Variants in F7 observed in about 807,000 individuals in gnomAD.
The protein encoded by F7 is coagulation factor VII.
Under a neutral mutation model 47.5 loss-of-function variants are expected in F7, and 38 were observed. That is an observed-to-expected ratio of 0.80 (90% confidence interval 0.62 to 1.05). The LOEUF is 1.05. Ranked by LOEUF, F7 falls within the 50% of genes least tolerant of loss-of-function variation. F7 has a pLI of 0.00. For synonymous variants in F7, 244 were observed against 258.5 expected, an observed-to-expected ratio of 0.94 and a Z score of 0.54; for missense variants, 575 against 605.4, an observed-to-expected ratio of 0.95 and a Z score of 0.53.
In F7 at chr13:113,119,168, CAGAG is replaced by C. The variant is rs1453916593; in HGVS notation, c.*166_*169del. ...AGACAGAAACAGAGAGAGACAGAGA[CAGAG>C]AGAGACTGAGGGAGAGACTCTGAGG... On this transcript the variant is annotated 3_prime_UTR_variant, in exon 8 of 8. Coordinates refer to ENST00000346342, the MANE Select transcript of F7 (RefSeq NM_019616.4). 7.4e-6 allele frequency: 5 copies of C among 672,020 alleles called. No individual in the cohort carries two copies. Among genetic ancestry groups the C allele is most frequent in the Middle Eastern group, 4.0e-4 (1 of 2,518 alleles). 41.6% of individuals were successfully genotyped at this position (672,020 alleles called of 1,614,324 possible). A position where few individuals can be genotyped will look rare whatever the true frequency, so the allele number is the denominator to read the frequency against.
At chr13:113,105,981 C>G in intron 1 of F7, 76 bp downstream of exon 1, 1 of 1,354,094 alleles carries the variant, frequency 7.4e-7, no homozygotes, top group Non-Finnish European at 1.0e-6. Flanking sequence ...CCGGGCTTCC[C>G]AAACCCCGCC....
rs1273109058 is a variant in F7, at chr13:113,118,924, G to T, written c.1251G>T (p.Arg417Ser). 6.2e-7 allele frequency: 1 copy of T among 1,611,714 alleles called. No homozygotes were observed. Among genetic ancestry groups the T allele is most frequent in the East Asian group, 2.2e-5 (1 of 44,864 alleles). Residue 417 changes from arginine (R) to serine (S), a missense_variant, in exon 8 of 8, where the codon AGG becomes AGT. Arg to Ser is a moderately radical substitution (Grantham distance 110). Transcript: ENST00000346342. ...TGGGCCACTTTGGGGTGTACACCAG[G>T]GTCTCCCAGTACATCGAGTGGCTGC... The part of the protein sequence containing the change: ...ATVGHFGVYT[R>S]VSQYIEWLQK...
At position 113,112,070 on chromosome 13, in the gene F7, ACACT is replaced by A. The variant is rs1421610738; in HGVS notation, c.225+1224_225+1227del. Reference sequence around the variant, plus strand: ...CAAGATACCACACGGGGCACACTTCACACTCACAGGTCACCTCACACTCACAGGA... The same window carrying A: ...CAAGATACCACACGGGGCACACTTCACACAGGTCACCTCACACTCACAGGA... On this transcript the variant is annotated intron_variant, in intron 2 of 7. Transcript: ENST00000346342. Among the ~76,000 whole-genome samples, 6 of 143,850 alleles carry A rather than the reference ACACT, an allele frequency of 4.2e-5. No individual in the cohort carries two copies. In the South Asian group the frequency reaches 6.9e-4, roughly 17 times the overall value. The allele number at this position is 143,850 out of a possible 152,430, so 94.4% of individuals were successfully genotyped here.
rs568985630 is a variant in F7, at chr13:113,117,586, C to T, written c.729C>T (p.Ile243=). Residue 243 remains isoleucine (I), a synonymous_variant, in exon 7 of 8, where the codon ATC becomes ATT. Coordinates refer to ENST00000346342, the MANE Select transcript of F7 (RefSeq NM_019616.4). ...FDKIKNWRNL[I]AVLGEHDLSE... ...AAATCAAGAACTGGAGGAACCTGAT[C>T]GCGGTGCTGGGTGGGTACCACTCTC... The T allele has an allele frequency of 1.9e-5, 30 of 1,602,642 alleles. No homozygotes were observed. In the Admixed American group the frequency reaches 2.0e-4, roughly 11 times the overall value.
At chr13:113,109,222 T>C (rs1446436014) in intron 1 of F7, among the ~76,000 whole-genome samples, 1 of 139,552 alleles carries the variant, frequency 7.2e-6, no homozygotes, top group African/African-American at 2.8e-5. Context: ...GGGGCGTGGG[T>C]GTCCCGGGGG....
intron 5 of F7, among the ~76,000 whole-genome samples, 157 bp from the exon 6 acceptor site, chr13:113,116,609 C>T (rs2036196434): frequency 6.6e-6 from 1 of 152,266 alleles, no homozygotes; most frequent in African/African-American, 2.4e-5. Context: ...GAGGCCCTGC[C>T]TTCCACCACC....
In F7 at chr13:113,110,750, T is replaced by C; in HGVS notation, c.125T>C (p.Phe42Ser). The C allele has an allele frequency of 6.5e-7, 1 of 1,549,142 alleles. No individual in the cohort carries two copies. Among genetic ancestry groups the C allele is most frequent in the South Asian group, 1.2e-5 (1 of 84,018 alleles). ...CACCGGCGCCGGCGCGCCAACGCGT[T>C]CCTGGAGGAGCTGCGGCCGGGCTCC... ...VLHRRRRANA[F>S]LEELRPGSLE... The change falls in exon 2 of 8, where the codon TTC becomes TCC. Residue 42 changes from phenylalanine (F) to serine (S), a missense_variant. By Grantham distance (155) the Phe-to-Ser change is radical. Transcript: ENST00000346342.
At chr13:113,107,921 G>T (rs2036000030) in intron 1 of F7, among the ~76,000 whole-genome samples, 1 of 98,324 alleles carries the variant, frequency 1.0e-5, no homozygotes, top group Non-Finnish European at 2.2e-5. Flanking sequence ...TGTCCCAGGG[G>T]CGTGGGTGTC....
At chr13:113,110,600 G>A in intron 1 of F7, 90 bp from the exon 2 acceptor site, 2 of 1,519,582 alleles carry the variant, frequency 1.3e-6, no homozygotes, top group Non-Finnish European at 8.9e-7. Flanking sequence ...GCGGGAACCT[G>A]CGATGCCCCC....
At chr13:113,116,698 G>C (rs1373949549) in intron 5 of F7, 68 bp from the exon 6 acceptor site, 1 of 1,285,894 alleles carries the variant, frequency 7.8e-7, no homozygotes, top group Non-Finnish European at 1.1e-6. Flanking sequence ...GGGTGTTTCT[G>C]AATCTTTCCT....
Position 113,116,402 on chromosome 13 carries a change from T to C in F7, c.506-364T>C, listed in dbSNP as rs1394229961. Among the ~76,000 whole-genome samples, 7 of 152,364 alleles carry C rather than the reference T, an allele frequency of 4.6e-5. No homozygotes were observed. The East Asian group carries it at 5.8e-4, about 13-fold the overall frequency. On this transcript the variant is annotated intron_variant, in intron 5 of 7. Coordinates refer to ENST00000346342, the MANE Select transcript of F7 (RefSeq NM_019616.4). ...AGCATGGGATCAAAACAACACAGTTTGATTCATCTTTAGGTAGAATTTCAT... is the reference window on the plus strand; with the variant it reads ...AGCATGGGATCAAAACAACACAGTTCGATTCATCTTTAGGTAGAATTTCAT...
chr13:113,113,718 G>A lies in F7; in HGVS notation c.226-34G>A. ...TACCGTTGGGTGCTCTGGTGAAGGT[G>A]CATCTCACGAGGCTTGCTCTCTTGT... On this transcript the variant is annotated intron_variant, in intron 2 of 7. Transcript: ENST00000346342. This position sits in a 1 kb window ranked among gnomAD's most constrained non-coding sequence, Gnocchi z 4.1. 1 of 1,600,824 alleles carries A rather than the reference G, an allele frequency of 6.2e-7. No individual in the cohort carries two copies.
At chr13:113,106,573 T>G (rs1056577914) in intron 1 of F7, among the ~76,000 whole-genome samples, 2 of 338 alleles carry the variant, frequency 5.9e-3, no homozygotes, top group Non-Finnish European at 0.011. Flanking sequence ...GCATGTGGGG[T>G]GTGGGGGATG....
chr13:113,110,768 C>T lies in F7; in HGVS notation c.143C>T (p.Pro48Leu). The change falls in exon 2 of 8, where the codon CCG becomes CTG. Residue 48 changes from proline to leucine, a missense_variant. Coordinates refer to ENST00000346342, the MANE Select transcript of F7 (RefSeq NM_019616.4). ...AACGCGTTCCTGGAGGAGCTGCGGCCGGGCTCCCTGGAGAGGGAGTGCAAG... is the reference window on the plus strand; with the variant it reads ...AACGCGTTCCTGGAGGAGCTGCGGCTGGGCTCCCTGGAGAGGGAGTGCAAG... ...RANAFLEELR[P>L]GSLERECKEE... The T allele has an allele frequency of 1.3e-6, 2 of 1,550,092 alleles. No individual in the cohort carries two copies. Among genetic ancestry groups the T allele is most frequent in the South Asian group, 1.2e-5 (1 of 84,066 alleles).
rs1320980968 is a variant in F7, at chr13:113,113,493, A to G, written c.226-259A>G. ...CGTCCCAGGTCCACAGCTCAGCGACAGAAGAGTCAGGGTTGAACCTCGGGT... is the reference window on the plus strand; with the variant it reads ...CGTCCCAGGTCCACAGCTCAGCGACGGAAGAGTCAGGGTTGAACCTCGGGT... On this transcript the variant is annotated intron_variant, in intron 2 of 7. Transcript: ENST00000346342. This position sits in a 1 kb window ranked among gnomAD's most constrained non-coding sequence, Gnocchi z 4.1. 1.3e-5 allele frequency among the ~76,000 whole-genome samples: 2 copies of G among 152,224 alleles called. No homozygotes were observed. Among genetic ancestry groups the G allele is most frequent in the African/African-American group, 4.8e-5 (2 of 41,464 alleles).
In F7 at chr13:113,110,857, C is replaced by G; in HGVS notation, c.225+7C>G. The G allele has an allele frequency of 6.4e-7, 1 of 1,556,076 alleles. No individual in the cohort carries two copies. Among genetic ancestry groups the G allele is most frequent in the Non-Finnish European group, 8.7e-7 (1 of 1,150,722 alleles). On this transcript the variant is annotated splice_region_variant and intron_variant, in intron 2 of 7. Transcript: ENST00000346342. ...CAAGGACGCGGAGAGGACGGTGAGC[C>G]CAGCCTCGGGGCGCCCCGCGCCGCG... is the stretch of plus-strand genomic sequence containing the variant.
At chr13:113,115,232 G>A (rs759117944) in intron 4 of F7, among the ~76,000 whole-genome samples, 12 of 152,296 alleles carry the variant, frequency 7.9e-5, no homozygotes, top group African/African-American at 2.2e-4. Flanking sequence ...ACGGTGGTAC[G>A]AGGCCAGCTT....
chr13:113,108,905 G>A (rs1226913548), intron 1 of F7, among the ~76,000 whole-genome samples: 10 of 38,314 alleles, frequency 2.6e-4, no homozygotes, highest in Admixed American at 5.0e-4. Context: ...TGGGTGTTCC[G>A]GAGGCGAGGG....
rs1275033181 is a variant in F7, at chr13:113,110,744, A to G, written c.119A>G (p.Asn40Ser). 17 of 1,548,870 alleles carry G rather than the reference A, an allele frequency of 1.1e-5. No individual in the cohort carries two copies. The highest frequency in any genetic ancestry group is 1.1e-5 in the Non-Finnish European group (13 of 1,146,566). The change falls in exon 2 of 8, where the codon AAC (asparagine) becomes AGC (serine). Residue 40 changes from asparagine (N) to serine (S), a missense_variant. Coordinates refer to ENST00000346342, the MANE Select transcript of F7 (RefSeq NM_019616.4). ...GTCCTGCACCGGCGCCGGCGCGCCA[A>G]CGCGTTCCTGGAGGAGCTGCGGCCG... is the stretch of plus-strand genomic sequence containing the variant. ...HGVLHRRRRA[N>S]AFLEELRPGS...
Sources: allele counts gnomAD v4.1 joint callset (sites outside exome capture counted in the v4.1 genomes callset), GRCh38; gene constraint gnomAD v4.1.1; non-coding constraint Gnocchi (gnomAD v3.1); transcripts MANE v1.5; gene names NCBI Gene and HGNC (gene_info 2026-07-23, HGNC 2026-07-21).